Variants in AOPEP observed in about 807,000 individuals in gnomAD.
AOPEP encodes the protein aminopeptidase O.
Under a neutral mutation model 98.1 loss-of-function variants are expected in AOPEP, and 77 were observed. That is an observed-to-expected ratio of 0.78 (90% CI 0.65 to 0.95). The LOEUF (loss-of-function observed/expected upper bound fraction) is 0.95, where lower values mean the gene tolerates loss of function less well. Among genes scored for constraint, AOPEP ranks in the 40% least tolerant of loss-of-function variants. The pLI, the probability that AOPEP is intolerant of heterozygous loss-of-function variation, is 0.00. For missense variants in AOPEP, 1,024 were observed against 1,024.7 expected (o/e 1.00, Z 0.01); for synonymous variants, 346 against 365.3 (o/e 0.95, Z 0.60).
At chr9:94,841,004 T>C (rs188340023) in intron 5 of AOPEP, among the ~76,000 whole-genome samples, 1 of 152,272 alleles carries the variant, frequency 6.6e-6, no homozygotes, top group Non-Finnish European at 1.5e-5. Flanking sequence ...TGATCTTACT[T>C]TTATTATTTC....
At chr9:94,833,922 A>G (rs567565329) in intron 5 of AOPEP, among the ~76,000 whole-genome samples, 1 of 150,084 alleles carries the variant, frequency 6.7e-6, no homozygotes, top group African/African-American at 2.4e-5. Flanking sequence ...CTCGTAAATC[A>G]TTAATGGATC....
chr9:95,101,596 G>A, the AOPEP span: 3 of 1,324,096 alleles, frequency 2.3e-6, no homozygotes, highest in East Asian at 4.8e-5. Flanking sequence ...CATTCTCACA[G>A]CCCAGCGAGG....
chr9:94,807,909 C>T (rs1849585897), intron 5 of AOPEP, among the ~76,000 whole-genome samples: 1 of 152,204 alleles, frequency 6.6e-6, no homozygotes, highest in African/African-American at 2.4e-5. Context: ...GGGAATATTG[C>T]CAAGATGCAG....
rs370387092 is a variant in AOPEP, at chr9:94,923,011, G to A, written c.1365-975G>A. Among the ~76,000 whole-genome samples, 61 of 152,244 alleles carry A rather than the reference G, an allele frequency of 4.0e-4. 1 individual carries two copies. The highest frequency in any genetic ancestry group is 1.3e-3 in the African/African-American group (54 of 41,550). On this transcript the variant is annotated intron_variant, in intron 5 of 16. Transcript: ENST00000375315. ...CAAATGACTTTTGAAGGGAGGAACC[G>A]GTGTGTACAGTTTCCTAATTTGGAA...
At chr9:94,947,157 A>G (rs1363101668) in intron 7 of AOPEP, among the ~76,000 whole-genome samples, 1 of 144,720 alleles carries the variant, frequency 6.9e-6, no homozygotes, top group Non-Finnish European at 1.5e-5. Flanking sequence ...TTTTTTTTGT[A>G]TTTTTATTAG....
intron 5 of AOPEP, among the ~76,000 whole-genome samples, chr9:94,865,915 C>T (rs1056732679): frequency 7.9e-5 from 12 of 152,188 alleles, no homozygotes; most frequent in Non-Finnish European, 1.2e-4. Context: ...CAGCAGACCC[C>T]TGTTCCATGA....
At chr9:94,849,734 C>T (rs2135134197) in intron 5 of AOPEP, among the ~76,000 whole-genome samples, 1 of 152,138 alleles carries the variant, frequency 6.6e-6, no homozygotes, top group Non-Finnish European at 1.5e-5. Context: ...GTTTGTGCTC[C>T]TGTGAGAATT....
At chr9:95,135,562 A>T in the AOPEP span, 2 of 1,502,020 alleles carry the variant, frequency 1.3e-6, no homozygotes, top group East Asian at 2.3e-5. Flanking sequence ...AAAGAAGATT[A>T]AAAAAAGTTC....
chr9:95,062,314 T>C (rs2067391536), intron 14 of AOPEP, among the ~76,000 whole-genome samples: 1 of 152,178 alleles, frequency 6.6e-6, no homozygotes, highest in Non-Finnish European at 1.5e-5. Context: ...TTACCTTCTG[T>C]GCCCCTATAT....
chr9:94,805,669 C>T (rs1045089846), intron 5 of AOPEP, among the ~76,000 whole-genome samples: 10 of 152,170 alleles, frequency 6.6e-5, no homozygotes, highest in Non-Finnish European at 1.5e-4. Flanking sequence ...CAATAAAAGA[C>T]TTCTGAATGT....
At chr9:94,749,942 A>T (rs889923825) in intron 1 of AOPEP, among the ~76,000 whole-genome samples, 2 of 152,068 alleles carry the variant, frequency 1.3e-5, no homozygotes, top group Non-Finnish European at 2.9e-5. Flanking sequence ...TAGACATTGT[A>T]TTTGATACTT....
chr9:94,918,294 C>G (rs1389797446), intron 5 of AOPEP, among the ~76,000 whole-genome samples: 1 of 152,210 alleles, frequency 6.6e-6, no homozygotes, highest in African/African-American at 2.4e-5. Flanking sequence ...CCTATGGCCT[C>G]TGTACCCTTA....
At chr9:94,961,512 C>T (rs1297137869) in intron 9 of AOPEP, among the ~76,000 whole-genome samples, 1 of 152,084 alleles carries the variant, frequency 6.6e-6, no homozygotes, top group African/African-American at 2.4e-5. Context: ...TGTATTAATC[C>T]GAAGCAACCC....
intron 7 of AOPEP, chr9:94,931,961 C>A: frequency 8.8e-7 from 1 of 1,135,934 alleles, no homozygotes; most frequent in Non-Finnish European, 1.2e-6. Context: ...AGTAATGCGT[C>A]TAACCTCCTC....
At position 94,889,150 on chromosome 9, in the gene AOPEP, C is replaced by T. The variant is rs548140176; in HGVS notation, c.1365-34836C>T. Among the ~76,000 whole-genome samples the T allele has an allele frequency of 5.8e-4, 88 of 152,242 alleles. 1 individual carries two copies. Among genetic ancestry groups the T allele is most frequent in the African/African-American group, 1.9e-3 (77 of 41,532 alleles). ...CTGGTATTACAGGTGCCCACCACCA[C>T]GCCCGGCTAATTTTTGTATTTTTAG... is the stretch of plus-strand genomic sequence containing the variant. On this transcript the variant is annotated intron_variant, in intron 5 of 16. Transcript: ENST00000375315.
At chr9:95,083,491 C>T (rs1439120778) in intron 16 of AOPEP, among the ~76,000 whole-genome samples, 1 of 151,252 alleles carries the variant, frequency 6.6e-6, no homozygotes, top group Non-Finnish European at 1.5e-5. Flanking sequence ...ACGCAGCACA[C>T]ACACCACACA....
chr9:94,867,128 CCATT>C (rs901663594), intron 5 of AOPEP, among the ~76,000 whole-genome samples: 10 of 152,278 alleles, frequency 6.6e-5, no homozygotes, highest in Admixed American at 2.6e-4. Flanking sequence ...TTACTTCCTA[CCATT>C]CAGATTTGAA....
intron 13 of AOPEP, 108 bp downstream of exon 13, chr9:95,005,724 T>G: frequency 1.2e-6 from 1 of 859,716 alleles, no homozygotes; most frequent in South Asian, 1.4e-5. Context: ...AAAGTTTTTG[T>G]TATAATAAAC....
intron 5 of AOPEP, among the ~76,000 whole-genome samples, chr9:94,864,851 A>T (rs1233398275): frequency 1.3e-5 from 2 of 152,080 alleles, no homozygotes; most frequent in African/African-American, 4.8e-5. Context: ...TGCAGGAGAG[A>T]TTTTTTTAAA....
Sources: gnomAD v4.1 joint callset for allele counts (sites outside exome capture counted in the v4.1 genomes callset) on GRCh38, gnomAD v4.1.1 for gene constraint, MANE v1.5 for transcripts, NCBI Gene and HGNC (gene_info 2026-07-23, HGNC 2026-07-21) for gene names.